The following MYH7B variants were observed in gnomAD, a reference collection of about 807,000 sequenced individuals.
MYH7B encodes myosin-7B.
Under a neutral mutation model 234.5 loss-of-function variants are expected in MYH7B, and 205 were observed. That is an observed-to-expected ratio of 0.87 (90% CI 0.78 to 0.98). The LOEUF is 0.98. Among genes scored for constraint, MYH7B ranks in the 50% least tolerant of loss-of-function variants. The pLI is 0.00. For missense variants in MYH7B, 2,652 were observed against 2,633.4 expected (o/e 1.01, Z -0.15); for synonymous variants, 1,193 against 1,105.0 (o/e 1.08, Z -1.58).
intron 24 of MYH7B, among the ~76,000 whole-genome samples, chr20:34,992,385 C>CAA (rs57996416): frequency 1.2e-4 from 12 of 97,948 alleles, no homozygotes; most frequent in Non-Finnish European, 2.2e-4. Flanking sequence ...GACTCCGTCT[C>CAA]AAAAAAAAAA....
chr20:34,961,164 C>T (rs932601081), intron 2 of MYH7B, among the ~76,000 whole-genome samples: 3 of 152,246 alleles, frequency 2.0e-5, no homozygotes, highest in African/African-American at 2.4e-5. Context: ...TACTTATAGA[C>T]CCTCTTCTCC....
At chr20:34,986,518 CCGTTGAGGG>C (rs1262258523) in intron 14 of MYH7B, among the ~76,000 whole-genome samples, 1 of 152,214 alleles carries the variant, frequency 6.6e-6, no homozygotes, top group African/African-American at 2.4e-5. Flanking sequence ...TCTGGCAAGC[CCGTTGAGGG>C]CAGAGTCTGG....
chr20:34,982,345 G>T, intron 9 of MYH7B, 114 bp from the exon 10 acceptor site: 1 of 860,238 alleles, frequency 1.2e-6, no homozygotes, highest in Non-Finnish European at 1.9e-6. Context: ...ATCCTTGGGG[G>T]TTTCAAGCTG....
rs200746780 is a variant in MYH7B at position 34,988,124 on chromosome 20, C to T, written c.1449C>T (p.Phe483=). The T allele has an allele frequency of 7.4e-6, 12 of 1,614,110 alleles. No individual in the cohort carries two copies. The East Asian group carries it at 2.5e-4, about 33-fold the overall frequency. Residue 483 remains phenylalanine (F), a synonymous_variant, in exon 19 of 45, where the codon TTC becomes TTT. Transcript: ENST00000262873. ...GCTTCGAACAGCTGTGCATCAACTT[C>T]ACCAATGAGAAATTGCAGCAGTTCT...
chr20:34,955,984 A>G (rs1267889764), exon 1 of MYH7B: 1 of 152,320 alleles, frequency 6.6e-6, no homozygotes, highest in Non-Finnish European at 1.5e-5. Context: ...GGAGGGGACC[A>G]TCGGGGTCGG....
intron 19 of MYH7B, among the ~76,000 whole-genome samples, chr20:34,988,547 C>T (rs1243155761): frequency 6.6e-6 from 1 of 152,088 alleles, no homozygotes; most frequent in Admixed American, 6.5e-5. Context: ...AACAGCTCCT[C>T]CTGGGTGCTC....
chr20:34,975,275 G>GTGGC, intron 2 of MYH7B, 125 bp from the exon 3 acceptor site: 2 of 462,842 alleles, frequency 4.3e-6, no homozygotes, highest in Non-Finnish European at 7.7e-6. Context: ...TGTGATCTCG[G>GTGGC]CGCACTGTAA....
At chr20:34,997,093 GAGCTGAGCC>G in exon 31 of MYH7B, 1 of 1,548,604 alleles carries the variant, frequency 6.5e-7, no homozygotes, top group Middle Eastern at 2.2e-4. Flanking sequence ...GAAGGACTCC[GAGCTGAGCC>G]AGCTGAGCCT....
intron 2 of MYH7B, among the ~76,000 whole-genome samples, chr20:34,974,228 T>C (rs1407692222): frequency 7.2e-6 from 1 of 138,086 alleles, no homozygotes; most frequent in African/African-American, 2.8e-5. Flanking sequence ...TGCCCAGCCT[T>C]TTTTTTTTTT....
intron 1 of MYH7B, among the ~76,000 whole-genome samples, chr20:34,956,507 C>A (rs2081636076): frequency 6.6e-6 from 1 of 152,170 alleles, no homozygotes; most frequent in African/African-American, 2.4e-5. Context: ...ATAGGCTTGT[C>A]TGCAGTCCGA....
intron 2 of MYH7B, among the ~76,000 whole-genome samples, chr20:34,966,677 A>G (rs553840664): frequency 6.6e-6 from 1 of 152,310 alleles, no homozygotes; most frequent in South Asian, 2.1e-4. Flanking sequence ...AGATCGGTAC[A>G]TTATATCAAT....
At chr20:34,970,915 G>T (rs2081787715) in intron 2 of MYH7B, among the ~76,000 whole-genome samples, 1 of 152,188 alleles carries the variant, frequency 6.6e-6, no homozygotes, top group Non-Finnish European at 1.5e-5. Flanking sequence ...GGGGGTGGGA[G>T]GGCAGACGCA....
At chr20:34,956,483 C>A (rs569911353) in intron 1 of MYH7B, among the ~76,000 whole-genome samples, 2 of 152,248 alleles carry the variant, frequency 1.3e-5, no homozygotes, top group South Asian at 2.1e-4. Flanking sequence ...CCTGTTTCTT[C>A]CTTCTGGGTT....
chr20:34,968,164 A>T (rs1374079696), intron 2 of MYH7B, among the ~76,000 whole-genome samples: 7 of 152,244 alleles, frequency 4.6e-5, no homozygotes, highest in Admixed American at 3.9e-4. Flanking sequence ...GAAGTTACGT[A>T]ACTTGCCCAG....
chr20:35,001,782 C>T (rs961433848), intron 43 of MYH7B, among the ~76,000 whole-genome samples, 166 bp from the exon 44 acceptor site: 3 of 152,176 alleles, frequency 2.0e-5, no homozygotes, highest in Non-Finnish European at 4.4e-5. Context: ...GAAGTTGGTG[C>T]GTCCCAACTT....
At chr20:34,984,443 G>T (rs552499519) in intron 10 of MYH7B, among the ~76,000 whole-genome samples, 2 of 152,140 alleles carry the variant, frequency 1.3e-5, no homozygotes, top group South Asian at 2.1e-4. Context: ...GCCAGAGGCC[G>T]GGCTGGGGCA....
exon 12 of MYH7B, chr20:34,984,879 A>G: frequency 6.2e-7 from 1 of 1,614,062 alleles, no homozygotes; most frequent in Non-Finnish European, 8.5e-7. Context: ...CAAATCATCG[A>G]GGCCAACCCT....
intron 30 of MYH7B, 102 bp from the exon 31 acceptor site, chr20:34,996,981 G>A: frequency 7.4e-7 from 1 of 1,354,746 alleles, no homozygotes; most frequent in East Asian, 2.5e-5. Context: ...TGCATGGGGT[G>A]AGGTCCCTCA....
chr20:34,991,420 C>A (rs746271083), intron 24 of MYH7B, among the ~76,000 whole-genome samples: 1 of 152,170 alleles, frequency 6.6e-6, no homozygotes, highest in African/African-American at 2.4e-5. Flanking sequence ...TGGGAGTGAG[C>A]AACCTGGGAG....
Sources: allele counts gnomAD v4.1 joint callset (sites outside exome capture counted in the v4.1 genomes callset), GRCh38; gene constraint gnomAD v4.1.1; transcripts MANE v1.5; gene names NCBI Gene and HGNC (gene_info 2026-07-23, HGNC 2026-07-21).